Variants in PLCL1 observed in about 807,000 individuals in gnomAD.
PLCL1 encodes the protein inactive phospholipase C-like protein 1.
In PLCL1, 41 loss-of-function variants were observed where a neutral mutation model predicts 84.4. The observed-to-expected ratio is 0.49, with a 90% CI of 0.38 to 0.63. The LOEUF is 0.63. PLCL1 is among the 30% of genes least tolerant of loss of function. The probability of loss-of-function intolerance (pLI) is 0.00; values close to 1 mark genes in which losing one functional copy is unlikely to be tolerated. For synonymous variants in PLCL1, 490 were observed against 488.3 expected (o/e 1.00, Z -0.05); for missense variants, 1,206 against 1,367.8 (o/e 0.88, Z 1.87).
intron 5 of PLCL1, among the ~76,000 whole-genome samples, chr2:198,109,760 T>C (rs1397026772): frequency 6.6e-6 from 1 of 151,790 alleles, no homozygotes; most frequent in Non-Finnish European, 1.5e-5. Flanking sequence ...AAACTGAAAT[T>C]AGAAAGAACC....
intron 1 of PLCL1, among the ~76,000 whole-genome samples, chr2:197,991,238 C>T (rs1690340697): frequency 6.6e-6 from 1 of 152,180 alleles, no homozygotes; most frequent in East Asian, 1.9e-4. Flanking sequence ...CTCATCTTCT[C>T]CTGTCCTTGG....
chr2:197,900,564 G>A (rs1464079135), intron 1 of PLCL1, among the ~76,000 whole-genome samples: 3 of 152,130 alleles, frequency 2.0e-5, no homozygotes, highest in Non-Finnish European at 4.4e-5. Flanking sequence ...ATAGTCCTTG[G>A]ACCTCGGGAT....
In PLCL1 at chr2:197,991,843, T is replaced by A. The variant is rs181896916; in HGVS notation, c.241-91915T>A. Among the ~76,000 whole-genome samples, 357 of 152,130 alleles carry A rather than the reference T, an allele frequency of 2.3e-3. 1 individual carries two copies. The highest frequency in any genetic ancestry group is 3.8e-3 in the Non-Finnish European group (258 of 67,990). On this transcript the variant is annotated intron_variant, in intron 1 of 5. Transcript: ENST00000428675. ...AGCATGGTGGGGTATGTCATCAGAG[T>A]GAGGAGAGGTTGGAGCTGAAAGCAC...
intron 1 of PLCL1, among the ~76,000 whole-genome samples, chr2:197,813,870 A>G (rs1201086066): frequency 6.6e-6 from 1 of 152,158 alleles, no homozygotes; most frequent in African/African-American, 2.4e-5. Flanking sequence ...CTTATCCTCT[A>G]AAACAGTATT....
intron 1 of PLCL1, among the ~76,000 whole-genome samples, chr2:198,031,414 C>T (rs1442452021): frequency 6.6e-6 from 1 of 151,716 alleles, no homozygotes; most frequent in East Asian, 1.9e-4. Context: ...TTTGTGGTTA[C>T]ATAATTATAG....
At chr2:197,964,772 T>C (rs1041468048) in intron 1 of PLCL1, among the ~76,000 whole-genome samples, 4 of 152,160 alleles carry the variant, frequency 2.6e-5, no homozygotes, top group African/African-American at 4.8e-5. Flanking sequence ...TATACCCTGT[T>C]TTTTGAGAGT....
intron 1 of PLCL1, among the ~76,000 whole-genome samples, chr2:197,863,829 C>G (rs1687478230): frequency 6.6e-6 from 1 of 152,134 alleles, no homozygotes; most frequent in Non-Finnish European, 1.5e-5. Flanking sequence ...TTAAATTTCT[C>G]TATAAGGAAC....
chr2:198,011,934 C>T (rs1052134472), intron 1 of PLCL1, among the ~76,000 whole-genome samples: 1 of 152,228 alleles, frequency 6.6e-6, no homozygotes, highest in Non-Finnish European at 1.5e-5. Flanking sequence ...CTTCTCCTCT[C>T]TGTAGGTTCC....
At chr2:198,003,100 A>G (rs979045674) in intron 1 of PLCL1, among the ~76,000 whole-genome samples, 1 of 152,144 alleles carries the variant, frequency 6.6e-6, no homozygotes, top group African/African-American at 2.4e-5. Context: ...TATTTATACT[A>G]GATGCTAAAT....
Position 197,894,456 on chromosome 2 carries a change from A to G in PLCL1, c.240+89117A>G, listed in dbSNP as rs78820972. On this transcript the variant is annotated intron_variant, in intron 1 of 5. Transcript: ENST00000428675. ...TGGGGAAAGTCAAATTTAAAGAACT[A>G]TAATTACATGGGAGAAGAGAAGGGG... Among the ~76,000 whole-genome samples, 202 of 152,150 alleles carry G rather than the reference A, an allele frequency of 1.3e-3. 3 individuals carry two copies. Among genetic ancestry groups the G allele is most frequent in the African/African-American group, 4.8e-3 (199 of 41,574 alleles).
At chr2:198,099,693 C>G (rs547381923) in intron 3 of PLCL1, among the ~76,000 whole-genome samples, 87 of 152,096 alleles carry the variant, frequency 5.7e-4, no homozygotes, top group South Asian at 8.3e-4. Flanking sequence ...ACTCGATTAT[C>G]TCTTTATGAC....
chr2:197,864,832 A>G (rs1227080442), intron 1 of PLCL1, among the ~76,000 whole-genome samples: 2 of 152,208 alleles, frequency 1.3e-5, no homozygotes, highest in African/African-American at 4.8e-5. Context: ...CAGTATAAAA[A>G]CATGTTAAAA....
At chr2:198,114,795 A>ATGTGTGTG (rs397715153) in intron 5 of PLCL1, among the ~76,000 whole-genome samples, 53,397 of 150,474 alleles carry the variant, frequency 0.35, 9,899 homozygotes, top group Middle Eastern at 0.49. Context: ...ACTTCTCTGA[A>ATGTGTGTG]TGTGTGTGTG....
chr2:197,851,743 G>A (rs1174097505), intron 1 of PLCL1, among the ~76,000 whole-genome samples: 1 of 152,198 alleles, frequency 6.6e-6, no homozygotes, highest in Non-Finnish European at 1.5e-5. Context: ...GCATGTTAGA[G>A]GAGACCAGGA....
At chr2:198,063,110 A>C (rs1574283675) in intron 1 of PLCL1, among the ~76,000 whole-genome samples, 1 of 152,264 alleles carries the variant, frequency 6.6e-6, no homozygotes, top group African/African-American at 2.4e-5. Context: ...AATAGCTGGA[A>C]ATTTTTTAGT....
At chr2:197,865,295 T>C (rs1316955051) in intron 1 of PLCL1, among the ~76,000 whole-genome samples, 1 of 152,146 alleles carries the variant, frequency 6.6e-6, no homozygotes, top group African/African-American at 2.4e-5. Flanking sequence ...GGTTGTATAT[T>C]ATAAGGAGCA....
chr2:197,825,409 T>C (rs1690908300), intron 1 of PLCL1, among the ~76,000 whole-genome samples: 1 of 152,186 alleles, frequency 6.6e-6, no homozygotes. Flanking sequence ...AACCTTGATT[T>C]TCACAAGGAT....
chr2:198,053,863 A>G (rs1387614001), intron 1 of PLCL1, among the ~76,000 whole-genome samples: 3 of 152,204 alleles, frequency 2.0e-5, no homozygotes, highest in Non-Finnish European at 4.4e-5. Context: ...TTGGGTGTAG[A>G]ACCAATGGGT....
chr2:198,075,526 G>A (rs2105888972), intron 1 of PLCL1, among the ~76,000 whole-genome samples: 1 of 152,302 alleles, frequency 6.6e-6, no homozygotes, highest in South Asian at 2.1e-4. Flanking sequence ...TCTCATAACT[G>A]CGTACGAAGC....
Sources: allele counts gnomAD v4.1 joint callset (sites outside exome capture counted in the v4.1 genomes callset), GRCh38; gene constraint gnomAD v4.1.1; transcripts MANE v1.5; gene names NCBI Gene and HGNC (gene_info 2026-07-23, HGNC 2026-07-21).